RASGRF2: variants seen among roughly 807,000 people sequenced by gnomAD.
The protein encoded by RASGRF2 is Ras protein specific guanine nucleotide releasing factor 2.
Under a neutral mutation model 151.0 loss-of-function variants are expected in RASGRF2, and 76 were observed. The ratio of observed to expected loss-of-function variants is 0.50; its 90% CI spans 0.42 to 0.61. The LOEUF (loss-of-function observed/expected upper bound fraction) is 0.61. RASGRF2 is among the 20% of genes least tolerant of loss of function. RASGRF2 has a pLI of 0.00. For missense variants in RASGRF2, 1,148 were observed against 1,564.6 expected (o/e 0.73, Z 4.49); for synonymous variants, 504 against 566.5 (o/e 0.89, Z 1.57).
At chr5:81,109,895 T>C (rs1245120122) in intron 13 of RASGRF2, among the ~76,000 whole-genome samples, 1 of 152,218 alleles carries the variant, frequency 6.6e-6, no homozygotes, top group East Asian at 1.9e-4. Flanking sequence ...TCTTGGACTG[T>C]AAAGATTTTC....
intron 1 of RASGRF2, among the ~76,000 whole-genome samples, chr5:80,971,879 TTTTTATTTTA>T (rs1351042907): frequency 5.3e-5 from 8 of 151,814 alleles, no homozygotes; most frequent in Non-Finnish European, 1.2e-4. Flanking sequence ...CCCCAGCTAA[TTTTTATTTTA>T]TTTTATTTTA....
intron 13 of RASGRF2, among the ~76,000 whole-genome samples, chr5:81,109,937 A>G (rs1752950488): frequency 6.6e-6 from 1 of 152,176 alleles, no homozygotes; most frequent in Non-Finnish European, 1.5e-5. Flanking sequence ...AGTACACTAG[A>G]TTTATTCCCA....
intron 5 of RASGRF2, among the ~76,000 whole-genome samples, chr5:81,075,324 A>G (rs1212297335): frequency 6.6e-6 from 1 of 152,204 alleles, no homozygotes; most frequent in Non-Finnish European, 1.5e-5. Context: ...ACATGTTGCA[A>G]GGGTGCAATG....
intron 1 of RASGRF2, among the ~76,000 whole-genome samples, chr5:80,995,912 C>T (rs1455531752): frequency 6.6e-6 from 1 of 151,950 alleles, no homozygotes; most frequent in Non-Finnish European, 1.5e-5. Context: ...AGGCTGGTCT[C>T]GAACTCCTGA....
Position 81,208,400 on chromosome 5 carries a change from ACTC to A in RASGRF2, c.3121_3123del (p.Pro1041del), listed in dbSNP as rs1755557252. The A allele has an allele frequency of 6.2e-7, 1 of 1,613,850 alleles. No homozygotes were observed. The highest frequency in any genetic ancestry group is 1.7e-5 in the Admixed American group (1 of 59,968). On this transcript the variant is annotated inframe_deletion, in exon 22 of 27. Coordinates refer to ENST00000265080, the MANE Select transcript of RASGRF2 (RefSeq NM_006909.3). ...GATGAAGCTGGATAAAAACGAAAGAACTCCTTACATTATGAAAACCAGCCAACA... is the reference window on the plus strand; with the variant it reads ...GATGAAGCTGGATAAAAACGAAAGAACTTACATTATGAAAACCAGCCAACA...
At chr5:81,013,631 TTGTG>T in intron 1 of RASGRF2, among the ~76,000 whole-genome samples, 1 of 151,766 alleles carries the variant, frequency 6.6e-6, no homozygotes, top group South Asian at 2.1e-4. Flanking sequence ...ATGTATTATG[TTGTG>T]TATGTGTATA....
chr5:81,028,143 A>G (rs1750101126), intron 1 of RASGRF2, among the ~76,000 whole-genome samples: 1 of 152,000 alleles, frequency 6.6e-6, no homozygotes, highest in Non-Finnish European at 1.5e-5. Context: ...CCCACTCTAG[A>G]CGAGCCTGAA....
chr5:81,047,091 C>T (rs754584998), intron 2 of RASGRF2, among the ~76,000 whole-genome samples: 11 of 152,082 alleles, frequency 7.2e-5, no homozygotes, highest in Non-Finnish European at 1.3e-4. Flanking sequence ...CTAGCTTGGA[C>T]GGTGTCACTC....
chr5:81,003,294 C>T (rs1451364912), intron 1 of RASGRF2, among the ~76,000 whole-genome samples: 2 of 147,016 alleles, frequency 1.4e-5, no homozygotes, highest in African/African-American at 2.5e-5. Flanking sequence ...GCGATCTCGG[C>T]TCACTGCAAG....
chr5:81,181,306 C>A (rs1754912291), intron 18 of RASGRF2, among the ~76,000 whole-genome samples: 1 of 152,154 alleles, frequency 6.6e-6, no homozygotes, highest in African/African-American at 2.4e-5. Flanking sequence ...CTCCTGAAAC[C>A]CCTGTGGTAA....
chr5:81,098,971 C>T (rs1243857684), intron 12 of RASGRF2, among the ~76,000 whole-genome samples: 1 of 152,102 alleles, frequency 6.6e-6, no homozygotes, highest in Admixed American at 6.5e-5. Flanking sequence ...TAGAAATATT[C>T]CCAACACCCA....
chr5:81,212,073 G>A lies in RASGRF2; in HGVS notation c.3157-293G>A, dbSNP rs556943434. On this transcript the variant is annotated intron_variant, in intron 22 of 26. Transcript: ENST00000265080. The stretch of plus-strand genomic sequence containing the variant: ...TAGGTTATTCTGTCCCATTTCCTCA[G>A]TAATTATTAGAAATGACACCATCAA... Among the ~76,000 whole-genome samples the A allele has an allele frequency of 5.9e-5, 9 of 152,280 alleles. No individual in the cohort carries two copies. The South Asian group carries it at 1.7e-3, about 28-fold the overall frequency.
intron 20 of RASGRF2, 122 bp from the exon 21 acceptor site, chr5:81,207,122 CAT>C: frequency 1.1e-6 from 1 of 893,750 alleles, no homozygotes; most frequent in Admixed American, 2.6e-5. Context: ...CCATTTTTTT[CAT>C]AGTTAGAATT....
At chr5:81,055,386 A>G (rs888257103) in intron 2 of RASGRF2, among the ~76,000 whole-genome samples, 6 of 152,240 alleles carry the variant, frequency 3.9e-5, no homozygotes, top group Admixed American at 2.0e-4. Flanking sequence ...TGAGATAATC[A>G]TGTGGTTTTT....
chr5:81,178,736 A>G (rs1039112798), intron 17 of RASGRF2, among the ~76,000 whole-genome samples: 2 of 149,092 alleles, frequency 1.3e-5, no homozygotes, highest in Non-Finnish European at 2.9e-5. Flanking sequence ...ATCAGTGAGT[A>G]TAGACAACTT....
intron 15 of RASGRF2, among the ~76,000 whole-genome samples, chr5:81,119,787 T>A (rs975671016): frequency 2.0e-5 from 3 of 152,248 alleles, no homozygotes. Flanking sequence ...TATTAGAGAA[T>A]TAAGTTGAAG....
intron 1 of RASGRF2, among the ~76,000 whole-genome samples, chr5:80,994,905 T>A (rs1748784564): frequency 6.6e-6 from 1 of 152,206 alleles, no homozygotes; most frequent in Admixed American, 6.5e-5. Context: ...TGGGCACACA[T>A]ATACAGTTGT....
intron 17 of RASGRF2, among the ~76,000 whole-genome samples, chr5:81,141,462 T>C (rs1249485952): frequency 2.6e-5 from 4 of 152,166 alleles, no homozygotes; most frequent in Non-Finnish European, 5.9e-5. Context: ...AAGTGTGGCA[T>C]CTGGAGTGGT....
intron 1 of RASGRF2, among the ~76,000 whole-genome samples, chr5:81,039,940 G>A (rs1230372615): frequency 6.6e-6 from 1 of 152,160 alleles, no homozygotes; most frequent in African/African-American, 2.4e-5. Flanking sequence ...CAGAGGTACA[G>A]CGTCATTCAC....
Sources: allele counts gnomAD v4.1 joint callset (sites outside exome capture counted in the v4.1 genomes callset), GRCh38; gene constraint gnomAD v4.1.1; transcripts MANE v1.5; gene names NCBI Gene and HGNC (gene_info 2026-07-23, HGNC 2026-07-21).